SLC39A14: variants seen among roughly 807,000 people sequenced by gnomAD.
The protein encoded by SLC39A14 is solute carrier family 39 member 14.
Under a neutral mutation model 45.5 loss-of-function variants are expected in SLC39A14, and 19 were observed. The observed-to-expected ratio is 0.42, with a 90% CI of 0.29 to 0.61. SLC39A14 has a LOEUF of 0.61. Among genes scored for constraint, SLC39A14 ranks in the 20% least tolerant of loss-of-function variants. SLC39A14 has a pLI of 0.22. For missense variants in SLC39A14, 447 were observed against 616.5 expected (o/e 0.73, Z 2.91); for synonymous variants, 264 against 251.3 (o/e 1.05, Z -0.48).
At chr8:22,418,077 A>G in intron 8 of SLC39A14, among the ~76,000 whole-genome samples, 1 of 151,820 alleles carries the variant, frequency 6.6e-6, no homozygotes, top group East Asian at 1.9e-4. Flanking sequence ...TAATTTTTGT[A>G]TTTTTAGTAG....
At chr8:22,392,645 T>C (rs1834143611) in intron 1 of SLC39A14, among the ~76,000 whole-genome samples, 1 of 152,212 alleles carries the variant, frequency 6.6e-6, no homozygotes, top group South Asian at 2.1e-4. Flanking sequence ...ACTCTGGCCC[T>C]GGCCTCGGGT....
intron 1 of SLC39A14, among the ~76,000 whole-genome samples, chr8:22,396,793 G>A (rs576217188): frequency 6.6e-6 from 1 of 152,068 alleles, no homozygotes; most frequent in East Asian, 1.9e-4. Flanking sequence ...CACATTTGGG[G>A]ATGTGAGTGA....
intron 1 of SLC39A14, among the ~76,000 whole-genome samples, chr8:22,384,981 C>T (rs541140494): frequency 1.8e-4 from 27 of 151,880 alleles, no homozygotes; most frequent in Admixed American, 4.6e-4. Flanking sequence ...ACCCGGGAGG[C>T]GGAGGTTGCA....
chr8:22,379,430 A>T (rs547591460), intron 1 of SLC39A14: 35 of 152,336 alleles, frequency 2.3e-4, no homozygotes, highest in African/African-American at 8.4e-4. Flanking sequence ...AACCTAGGAG[A>T]GAAGGCAAGC....
intron 1 of SLC39A14, among the ~76,000 whole-genome samples, chr8:22,377,384 C>T (rs1040642358): frequency 2.6e-5 from 4 of 152,090 alleles, no homozygotes; most frequent in African/African-American, 4.8e-5. Context: ...CCACGGAGTC[C>T]TGCTTTCCTT....
rs533948246 is a variant in SLC39A14, at chr8:22,421,974, G to T, written c.*2276G>T. 17 of 985,314 alleles carry T rather than the reference G, an allele frequency of 1.7e-5. No homozygotes were observed. The African/African-American group carries it at 3.0e-4, about 17-fold the overall frequency. 61.0% of individuals were successfully genotyped at this position (985,314 alleles called of 1,614,324 possible). A position where few individuals can be genotyped will look rare whatever the true frequency, so the allele number is the denominator to read the frequency against. On this transcript the variant is annotated 3_prime_UTR_variant, in exon 9 of 9. Coordinates refer to ENST00000381237, the MANE Select transcript of SLC39A14 (RefSeq NM_001128431.4). ...GTTGGCGCAGAGGTCAGTCCTAGTC[G>T]GAGCTTAGGAGGGGCGGAGACGCTC...
intron 3 of SLC39A14, 63 bp downstream of exon 3, chr8:22,408,559 T>G (rs13281466): frequency 6.9e-7 from 1 of 1,449,942 alleles, no homozygotes; most frequent in Non-Finnish European, 9.3e-7. Flanking sequence ...CAAGGACCCC[T>G]GGGCTGAGCT....
rs1563630758 is a variant in SLC39A14, at chr8:22,422,377, AACCTTG to A, written c.*2680_*2685del. The A allele has an allele frequency of 1.0e-6, 1 of 985,736 alleles. No homozygotes were observed. The highest frequency in any genetic ancestry group is 1.2e-6 in the Non-Finnish European group (1 of 829,954). The allele number at this position is 985,736 out of a possible 1,614,324, so 61.1% of individuals were successfully genotyped here. A position where few individuals can be genotyped will look rare whatever the true frequency, so the allele number is the denominator to read the frequency against. On this transcript the variant is annotated 3_prime_UTR_variant, in exon 9 of 9. Coordinates refer to ENST00000381237, the MANE Select transcript of SLC39A14 (RefSeq NM_001128431.4). ...TTGGAGCTATTCTTCACTGGTCCTT[AACCTTG>A]GGTTTTAAAAAGAAGGCTTCTCTGT...
chr8:22,372,574 T>TA (rs1174967828), intron 1 of SLC39A14, among the ~76,000 whole-genome samples: 1 of 152,118 alleles, frequency 6.6e-6, no homozygotes, highest in Non-Finnish European at 1.5e-5. Flanking sequence ...TTTCACTAAA[T>TA]AAAAAAATGA....
chr8:22,372,830 C>G (rs1270563689), intron 1 of SLC39A14, among the ~76,000 whole-genome samples: 1 of 152,058 alleles, frequency 6.6e-6, no homozygotes, highest in African/African-American at 2.4e-5. Context: ...GAGACATGGT[C>G]TCACTACGTT....
intron 1 of SLC39A14, chr8:22,404,441 A>AG (rs1390064020): frequency 2.8e-5 from 7 of 250,636 alleles, no homozygotes; most frequent in Non-Finnish European, 5.2e-5. Flanking sequence ...AAAAAAAAAA[A>AG]TCATAACCGC....
intron 1 of SLC39A14, among the ~76,000 whole-genome samples, chr8:22,370,731 GT>G (rs1230315036): frequency 1.3e-5 from 2 of 152,174 alleles, no homozygotes; most frequent in Non-Finnish European, 2.9e-5. Context: ...GAGGGAGGGG[GT>G]GTTAGTTTCT....
At chr8:22,408,530 C>G in intron 3 of SLC39A14, 34 bp downstream of exon 3, 1 of 1,585,716 alleles carries the variant, frequency 6.3e-7, no homozygotes, top group Non-Finnish European at 8.6e-7. Flanking sequence ...AGCCCATCTC[C>G]CATCTCGCCC....
intron 8 of SLC39A14, among the ~76,000 whole-genome samples, chr8:22,419,277 G>T (rs1320126176): frequency 2.0e-5 from 3 of 152,038 alleles, no homozygotes; most frequent in African/African-American, 7.2e-5. Context: ...CTTGCCTTCC[G>T]GGTTCAAGCA....
At chr8:22,415,703 C>T in intron 5 of SLC39A14, 66 bp from the exon 6 acceptor site, 1 of 1,466,272 alleles carries the variant, frequency 6.8e-7, no homozygotes, top group African/African-American at 1.4e-5. Flanking sequence ...TTCCTTGGAG[C>T]AGGTGCTCAA....
chr8:22,407,278 T>G (rs775000522), intron 2 of SLC39A14, among the ~76,000 whole-genome samples: 9 of 152,184 alleles, frequency 5.9e-5, no homozygotes, highest in Admixed American at 1.3e-4. Flanking sequence ...TTTAACATAA[T>G]AGCTCCCTGG....
chr8:22,378,596 G>A (rs77915624), intron 1 of SLC39A14, among the ~76,000 whole-genome samples: 1 of 152,310 alleles, frequency 6.6e-6, no homozygotes, highest in African/African-American at 2.4e-5. Flanking sequence ...CCCACATTGA[G>A]TCCTGCTCAT....
intron 8 of SLC39A14, chr8:22,433,803 C>G (rs939600020): frequency 5.0e-6 from 1 of 199,436 alleles, no homozygotes; most frequent in Non-Finnish European, 1.1e-5. Context: ...CTCAAGTGAT[C>G]TTCCCGCCTT....
chr8:22,422,268 G>A lies in SLC39A14; in HGVS notation c.*2570G>A, dbSNP rs1352327544. On this transcript the variant is annotated 3_prime_UTR_variant, in exon 9 of 9. Transcript: ENST00000381237. ...TGCAGGAACAGTGAGGCAGGGACAG[G>A]GGTTCTGCTCCTTCTCACTTCACCA... The A allele has an allele frequency of 1.0e-6, 1 of 985,494 alleles. No individual in the cohort carries two copies. Among genetic ancestry groups the A allele is most frequent in the East Asian group, 1.1e-4 (1 of 8,818 alleles). The allele number at this position is 985,494 out of a possible 1,614,324, so 61.0% of individuals were successfully genotyped here.
Sources: allele counts gnomAD v4.1 joint callset (sites outside exome capture counted in the v4.1 genomes callset), GRCh38; gene constraint gnomAD v4.1.1; transcripts MANE v1.5; gene names NCBI Gene and HGNC (gene_info 2026-07-23, HGNC 2026-07-21).